The following HDAC4 variants were observed in gnomAD, a reference collection of about 807,000 sequenced individuals.
HDAC4 encodes the protein histone deacetylase A.
In HDAC4, 16 loss-of-function variants were observed where a neutral mutation model predicts 135.1. The observed-to-expected ratio is 0.12, with a 90% confidence interval of 0.08 to 0.18. HDAC4 has a LOEUF of 0.18. Among genes scored for constraint, HDAC4 ranks in the 10% least tolerant of loss-of-function variants. The pLI, the probability that HDAC4 is intolerant of heterozygous loss-of-function variation, is 1.00. For missense variants in HDAC4, 1,143 were observed against 1,511.8 expected (o/e 0.76, Z 4.05); for synonymous variants, 685 against 653.4 (o/e 1.05, Z -0.74).
At chr2:239,104,187 G>A (rs1016367543) in intron 15 of HDAC4, among the ~76,000 whole-genome samples, 4 of 152,160 alleles carry the variant, frequency 2.6e-5, no homozygotes, top group Non-Finnish European at 5.9e-5. Flanking sequence ...TAGGGGTCAG[G>A]GTGCAGTTGG....
chr2:239,095,049 G>A lies in HDAC4; in HGVS notation c.2241C>T (p.Leu747=), dbSNP rs780491917. The A allele has an allele frequency of 1.2e-6, 2 of 1,613,722 alleles. No individual in the cohort carries two copies. Among genetic ancestry groups the A allele is most frequent in the Non-Finnish European group, 1.7e-6 (2 of 1,179,986 alleles). The change falls in exon 17 of 27, where the codon CTC becomes CTT. Residue 747 remains leucine, a synonymous_variant. Coordinates refer to ENST00000543185, the MANE Select transcript of HDAC4 (RefSeq NM_001378414.1). The part of the protein sequence containing the change: ...KLDSKKLLGS[L]ASVFVRLPCG... ...AAGGGAGCCGGACGAACACGGAGGC[G>A]AGCGAGCCTGTGGGGGGGAGGGAGA...
At position 239,132,313 on chromosome 2, in the gene HDAC4, G is replaced by A. The variant is rs141185843; in HGVS notation, c.1294+1932C>T. Among the ~76,000 whole-genome samples, 165 of 152,340 alleles carry A rather than the reference G, an allele frequency of 1.1e-3. 2 individuals carry two copies. The highest frequency in any genetic ancestry group is 3.9e-3 in the African/African-American group (162 of 41,578). ...AGCAGGAGAAAGCTGGGACAGAGGC[G>A]GCTGTGTGGCTGCACTACGCTGCAC... is the stretch of plus-strand genomic sequence containing the variant. On this transcript the variant is annotated intron_variant, in intron 11 of 26. Coordinates refer to ENST00000543185, the MANE Select transcript of HDAC4 (RefSeq NM_001378414.1).
chr2:239,236,903 C>G (rs1575489107), intron 2 of HDAC4, among the ~76,000 whole-genome samples: 1 of 152,318 alleles, frequency 6.6e-6, no homozygotes, highest in African/African-American at 2.4e-5. Flanking sequence ...GAGCCACTGG[C>G]TTAGCAATTT....
chr2:239,327,805 A>G (rs1489479719), intron 2 of HDAC4, among the ~76,000 whole-genome samples: 1 of 152,122 alleles, frequency 6.6e-6, no homozygotes, highest in Non-Finnish European at 1.5e-5. Flanking sequence ...GGCCAAATTC[A>G]TGGGCATGGC....
chr2:239,255,836 C>T (rs2049022990), intron 2 of HDAC4, among the ~76,000 whole-genome samples: 1 of 152,214 alleles, frequency 6.6e-6, no homozygotes, highest in African/African-American at 2.4e-5. Flanking sequence ...CTGTGCTGCA[C>T]TCAACATCAC....
At chr2:239,358,081 G>A (rs936564129) in intron 1 of HDAC4, among the ~76,000 whole-genome samples, 3 of 152,222 alleles carry the variant, frequency 2.0e-5, no homozygotes, top group Admixed American at 6.5e-5. Flanking sequence ...ATCAACACAC[G>A]TCTTCGTGGG....
At chr2:239,291,199 G>A (rs781551628) in intron 2 of HDAC4, among the ~76,000 whole-genome samples, 3 of 152,228 alleles carry the variant, frequency 2.0e-5, no homozygotes, top group Admixed American at 6.5e-5. Context: ...CGCTGCCGTC[G>A]AGTGCCAGGG....
Position 239,297,255 on chromosome 2 carries a change from G to A in HDAC4, c.22+55423C>T, listed in dbSNP as rs372926758. On this transcript the variant is annotated intron_variant, in intron 2 of 26. Transcript: ENST00000543185. ...GCCAGCGCTCACCCAAACCTTGGCC[G>A]CAGGATGAGGCAGGCCCACAGCTCT... 3.9e-4 allele frequency among the ~76,000 whole-genome samples: 59 copies of A among 152,282 alleles called. 1 individual carries two copies. The highest frequency in any genetic ancestry group is 1.3e-3 in the African/African-American group (53 of 41,554).
chr2:239,068,443 G>T lies in HDAC4; in HGVS notation c.2869+46C>A. ...TGACACGCGGAACACAGCGGATCAT[G>T]GACATGAGCAGAACCGGCTCCTCAG... On this transcript the variant is annotated intron_variant, in intron 23 of 26. Coordinates refer to ENST00000543185, the MANE Select transcript of HDAC4 (RefSeq NM_001378414.1). This position sits in a 1 kb window ranked among gnomAD's most constrained non-coding sequence, Gnocchi z 4.4. 7.5e-7 allele frequency: 1 copy of T among 1,341,498 alleles called. No individual in the cohort carries two copies. Among genetic ancestry groups the T allele is most frequent in the Non-Finnish European group, 1.1e-6 (1 of 931,640 alleles). 83.1% of individuals were successfully genotyped at this position (1,341,498 alleles called of 1,614,324 possible).
At chr2:239,295,450 C>T (rs1413465161) in intron 2 of HDAC4, among the ~76,000 whole-genome samples, 1 of 151,612 alleles carries the variant, frequency 6.6e-6, no homozygotes, top group Non-Finnish European at 1.5e-5. Flanking sequence ...GAAGGAAACA[C>T]ATGAAAATGT....
At position 239,107,670 on chromosome 2, in the gene HDAC4, C is replaced by T. The variant is rs115072360; in HGVS notation, c.2112+380G>A. On this transcript the variant is annotated intron_variant, in intron 15 of 26. Coordinates refer to ENST00000543185, the MANE Select transcript of HDAC4 (RefSeq NM_001378414.1). ...GAGATATAATCGGATCTCCCCGTGG[C>T]TCCTTCCTGGCAGCCCTGGGGGAGC... 1.9e-3 allele frequency among the ~76,000 whole-genome samples: 291 copies of T among 152,378 alleles called. 2 individuals are homozygous for T. The highest frequency in any genetic ancestry group is 0.01 in the Middle Eastern group (3 of 294).
In HDAC4 at chr2:239,111,730, C is replaced by T; in HGVS notation, c.1792-18G>A. ...AGGGCTTGCTGCGGGGAAGAAACGG[C>T]CGTGTTGGCGGTTGCGGATGTCTCC... On this transcript the variant is annotated intron_variant, in intron 13 of 26. Transcript: ENST00000543185. The T allele has an allele frequency of 1.9e-6, 3 of 1,579,514 alleles. No individual in the cohort carries two copies. Among genetic ancestry groups the T allele is most frequent in the Non-Finnish European group, 2.6e-6 (3 of 1,163,108 alleles).
chr2:239,084,683 CCA>C (rs964999506), intron 19 of HDAC4, among the ~76,000 whole-genome samples: 66 of 109,362 alleles, frequency 6.0e-4, no homozygotes, highest in Admixed American at 2.6e-3. Context: ...ACACACCCTC[CCA>C]CACAGACACA....
At chr2:239,298,408 C>G in intron 2 of HDAC4, 4 of 1,174,878 alleles carry the variant, frequency 3.4e-6, no homozygotes, top group Non-Finnish European at 4.3e-6. Flanking sequence ...CAGAGGGAAA[C>G]AGGGTATCCT....
At chr2:239,099,758 G>C (rs1290289746) in intron 16 of HDAC4, among the ~76,000 whole-genome samples, 1 of 152,222 alleles carries the variant, frequency 6.6e-6, no homozygotes, top group Non-Finnish European at 1.5e-5. Context: ...CCTTCCTAGG[G>C]GTAGCTGCAT....
intron 3 of HDAC4, among the ~76,000 whole-genome samples, chr2:239,227,367 C>A (rs2047300943): frequency 6.6e-6 from 1 of 152,158 alleles, no homozygotes; most frequent in South Asian, 2.1e-4. Flanking sequence ...GGGGGCAGGG[C>A]AGGCAGCATT....
At chr2:239,112,670 T>C (rs1387071436) in intron 13 of HDAC4, among the ~76,000 whole-genome samples, 1 of 152,014 alleles carries the variant, frequency 6.6e-6, no homozygotes, top group Non-Finnish European at 1.5e-5. Context: ...AGAGATGAGG[T>C]CACAGCTGCC....
rs960972753 is a variant in HDAC4 at position 239,322,665 on chromosome 2, A to G, written c.22+30013T>C. 3.3e-4 allele frequency among the ~76,000 whole-genome samples: 50 copies of G among 152,320 alleles called. 1 individual carries two copies. The highest frequency in any genetic ancestry group is 3.3e-3 in the Admixed American group (50 of 15,304). ...CTTACAGCAGCCTGGCATGTAGCAG[A>G]TGCTCACAAGAGGTGTCTTGACTGG... On this transcript the variant is annotated intron_variant, in intron 2 of 26. Transcript: ENST00000543185.
rs1419645742 is a variant in HDAC4 at position 239,052,064 on chromosome 2, C to G, written c.*1033G>C. Reference sequence around the variant, plus strand: ...CTGCAAGTGTGCCTACCACATGCTTCACGACCAGATGGAGATGCTCAATCG... The same window carrying G: ...CTGCAAGTGTGCCTACCACATGCTTGACGACCAGATGGAGATGCTCAATCG... On this transcript the variant is annotated 3_prime_UTR_variant, in exon 27 of 27. Coordinates refer to ENST00000543185, the MANE Select transcript of HDAC4 (RefSeq NM_001378414.1). 1 of 152,588 alleles carries G rather than the reference C, an allele frequency of 6.6e-6. No homozygotes were observed. The highest frequency in any genetic ancestry group is 2.4e-5 in the African/African-American group (1 of 41,436). 9.5% of individuals were successfully genotyped at this position (152,588 alleles called of 1,614,324 possible).
Sources: allele counts gnomAD v4.1 joint callset (sites outside exome capture counted in the v4.1 genomes callset), GRCh38; gene constraint gnomAD v4.1.1; non-coding constraint Gnocchi (gnomAD v3.1); transcripts MANE v1.5; gene names NCBI Gene and HGNC (gene_info 2026-07-23, HGNC 2026-07-21).